The following TRHDE variants were observed in gnomAD, a reference collection of about 807,000 sequenced individuals.
The protein encoded by TRHDE is thyrotropin-releasing hormone-degrading ectoenzyme.
Under a neutral mutation model 125.7 loss-of-function variants are expected in TRHDE, and 72 were observed. The ratio of observed to expected loss-of-function variants is 0.57; its 90% CI spans 0.47 to 0.70. TRHDE has a LOEUF of 0.70. Ranked by LOEUF, TRHDE falls within the 30% of genes least tolerant of loss-of-function variation. The pLI is 0.00. For synonymous variants in TRHDE, 509 were observed against 509.1 expected, an observed-to-expected ratio of 1.00 and a Z score of 0.00; for missense variants, 1,110 against 1,327.1, an observed-to-expected ratio of 0.84 and a Z score of 2.54.
At chr12:72,212,508 T>C (rs552854236) in intron 2 of TRHDE, among the ~76,000 whole-genome samples, 4 of 152,188 alleles carry the variant, frequency 2.6e-5, no homozygotes, top group Admixed American at 2.0e-4. Flanking sequence ...GTATCACAAT[T>C]CAATGACAAT....
rs1879367822 is a variant in TRHDE, at chr12:72,273,798, C to T, written c.914+241C>T. ...TGCCAAAAGATGAATGCTGCCCCCT[C>T]CTCTAGTCGGGACCTCTCCTCTTCC... On this transcript the variant is annotated intron_variant, in intron 1 of 18. Transcript: ENST00000261180. This position sits in a 1 kb window ranked among gnomAD's most constrained non-coding sequence, Gnocchi z 5.3. 2 of 507,266 alleles carry T rather than the reference C, an allele frequency of 3.9e-6. No individual in the cohort carries two copies. Among genetic ancestry groups the T allele is most frequent in the African/African-American group, 1.9e-5 (1 of 52,778 alleles). 31.4% of individuals were successfully genotyped at this position (507,266 alleles called of 1,614,324 possible).
At chr12:72,150,217 G>A (rs1371301408) in intron 2 of TRHDE, among the ~76,000 whole-genome samples, 1 of 152,116 alleles carries the variant, frequency 6.6e-6, no homozygotes, top group Non-Finnish European at 1.5e-5. Flanking sequence ...AATAGTAACT[G>A]AGTGACAGGG....
intron 3 of TRHDE, among the ~76,000 whole-genome samples, chr12:72,421,406 T>C (rs1873947529): frequency 1.3e-5 from 2 of 152,180 alleles, no homozygotes; most frequent in Admixed American, 1.3e-4. Context: ...TAGGTACACA[T>C]GGTCTCTCCA....
chr12:72,425,938 A>G (rs1874165871), intron 3 of TRHDE, among the ~76,000 whole-genome samples: 1 of 152,016 alleles, frequency 6.6e-6, no homozygotes. Flanking sequence ...ATATATATAT[A>G]TAATTACAAA....
chr12:72,223,143 A>G (rs529428298), intron 2 of TRHDE, among the ~76,000 whole-genome samples: 1 of 152,044 alleles, frequency 6.6e-6, no homozygotes, highest in Non-Finnish European at 1.5e-5. Flanking sequence ...TCAAATTTAA[A>G]TATTCTTATA....
chr12:72,265,413 T>C (rs1879044889), intron 2 of TRHDE, among the ~76,000 whole-genome samples: 1 of 151,960 alleles, frequency 6.6e-6, no homozygotes, highest in Admixed American at 6.6e-5. Context: ...AAATGGTATG[T>C]TGGTGTAGCC....
intron 15 of TRHDE, among the ~76,000 whole-genome samples, chr12:72,631,007 T>C (rs1352711870): frequency 6.6e-6 from 1 of 150,486 alleles, no homozygotes; most frequent in Non-Finnish European, 1.5e-5. Flanking sequence ...TGAAATCAAA[T>C]AGAAAAAAAT....
chr12:72,652,327 C>A lies in TRHDE; in HGVS notation c.2681C>A (p.Pro894Gln). ...DWISSNRNRI[P>Q]LNVRDIVYCT... ...ACCATGGGTTGCTTCTTTAGAATAC[C>A]ACTAAATGTTAGAGACATCGTATAC... Residue 894 changes from proline to glutamine, a missense_variant, in exon 16 of 19, where the codon CCA becomes CAA. Pro to Gln is a moderately conservative substitution (Grantham distance 76, BLOSUM62 -1). Transcript: ENST00000261180. The A allele has an allele frequency of 2.8e-6, 4 of 1,447,480 alleles. No homozygotes were observed. Among genetic ancestry groups the A allele is most frequent in the Non-Finnish European group, 3.7e-6 (4 of 1,093,262 alleles). 89.7% of individuals were successfully genotyped at this position (1,447,480 alleles called of 1,614,324 possible).
chr12:72,138,676 A>C (rs1876044728), intron 2 of TRHDE, among the ~76,000 whole-genome samples: 1 of 152,216 alleles, frequency 6.6e-6, no homozygotes, highest in Non-Finnish European at 1.5e-5. Flanking sequence ...GGTGAGGTCA[A>C]TGACATTATA....
chr12:72,535,375 A>G (rs1053240708), intron 6 of TRHDE, among the ~76,000 whole-genome samples: 2 of 152,190 alleles, frequency 1.3e-5, no homozygotes, highest in African/African-American at 2.4e-5. Context: ...TGAGGGTGAG[A>G]ACCCATCTGG....
chr12:72,146,333 G>A (rs61553783), intron 2 of TRHDE, among the ~76,000 whole-genome samples: 11,157 of 152,146 alleles, frequency 0.073, 684 homozygotes, highest in African/African-American at 0.16. Flanking sequence ...TGGACTAATC[G>A]TTTTTCCCCA....
intron 12 of TRHDE, among the ~76,000 whole-genome samples, 160 bp downstream of exon 12, chr12:72,575,702 A>C (rs1391942898): frequency 6.6e-6 from 1 of 152,130 alleles, no homozygotes; most frequent in Non-Finnish European, 1.5e-5. Context: ...TTAGTCTCCC[A>C]AACTTTCTAT....
At chr12:72,647,708 C>T (rs1056155704) in intron 15 of TRHDE, among the ~76,000 whole-genome samples, 4 of 151,990 alleles carry the variant, frequency 2.6e-5, no homozygotes, top group African/African-American at 9.7e-5. Context: ...TATAGCTTAT[C>T]AAGACTAATC....
At chr12:72,383,674 G>A (rs1274922799) in intron 3 of TRHDE, among the ~76,000 whole-genome samples, 15 of 150,610 alleles carry the variant, frequency 1.0e-4, no homozygotes, top group African/African-American at 3.2e-4. Flanking sequence ...ACCATGCCCG[G>A]CCCCCCATTT....
At chr12:72,249,416 G>A (rs1411221718) in intron 2 of TRHDE, among the ~76,000 whole-genome samples, 1 of 152,174 alleles carries the variant, frequency 6.6e-6, no homozygotes, top group Non-Finnish European at 1.5e-5. Flanking sequence ...GCTGGGCATG[G>A]TGGTATGTAC....
intron 7 of TRHDE, among the ~76,000 whole-genome samples, chr12:72,557,323 A>G (rs1869970814): frequency 1.3e-5 from 2 of 152,196 alleles, no homozygotes; most frequent in Admixed American, 6.5e-5. Context: ...AAGCCAAATC[A>G]TAGATGGGGT....
At chr12:72,594,885 T>C (rs1294642191) in intron 12 of TRHDE, among the ~76,000 whole-genome samples, 1 of 151,762 alleles carries the variant, frequency 6.6e-6, no homozygotes, top group Non-Finnish European at 1.5e-5. Context: ...AATGATAGAC[T>C]GGATTAAGAA....
chr12:72,334,989 C>G (rs1160612141), intron 2 of TRHDE, among the ~76,000 whole-genome samples: 1 of 152,142 alleles, frequency 6.6e-6, no homozygotes, highest in Non-Finnish European at 1.5e-5. Context: ...AGAATGATCC[C>G]TTTAAAGGAA....
intron 6 of TRHDE, among the ~76,000 whole-genome samples, chr12:72,504,693 T>C (rs1170186572): frequency 6.6e-6 from 1 of 152,244 alleles, no homozygotes; most frequent in Non-Finnish European, 1.5e-5. Context: ...CCTAAAAGAA[T>C]ATTCCTGTAG....
Sources: allele counts gnomAD v4.1 joint callset (sites outside exome capture counted in the v4.1 genomes callset), GRCh38; gene constraint gnomAD v4.1.1; non-coding constraint Gnocchi (gnomAD v3.1); transcripts MANE v1.5; gene names NCBI Gene and HGNC (gene_info 2026-07-23, HGNC 2026-07-21).